The following PARVB variants were observed in gnomAD, a reference collection of about 807,000 sequenced individuals.
The protein encoded by PARVB is beta-parvin.
A neutral mutation model predicts 47.0 loss-of-function variants in PARVB; 46 were observed. The observed-to-expected ratio is 0.98, with a 90% confidence interval of 0.77 to 1.25. The LOEUF is 1.25. Among genes scored for constraint, PARVB ranks in the 50% most tolerant of loss-of-function variants. The pLI, the probability that PARVB is intolerant of heterozygous loss-of-function variation, is 0.00. For missense variants in PARVB, 473 were observed against 471.6 expected (o/e 1.00, Z -0.03); for synonymous variants, 196 against 196.3 (o/e 1.00, Z 0.01).
rs71188434 is a variant in PARVB, at chr22:44,156,279, C to CTT, written c.844-1685_844-1684dup. On this transcript the variant is annotated intron_variant, in intron 10 of 12. Transcript: ENST00000338758. ...GATGTTTGTGATTTTGACTTTTCAT[C>CTT]TTTTTTTTTTTTTTTTTTTGAGACA... 3.3e-3 allele frequency among the ~76,000 whole-genome samples: 415 copies of CTT among 126,354 alleles called. 7 individuals carry two copies. Among genetic ancestry groups the CTT allele is most frequent in the South Asian group, 0.011 (43 of 3,812 alleles). 82.9% of individuals were successfully genotyped at this position (126,354 alleles called of 152,430 possible). A position where few individuals can be genotyped will look rare whatever the true frequency, so the allele number is the denominator to read the frequency against.
At chr22:44,147,745 G>C (rs1249332466) in intron 8 of PARVB, 116 bp from the exon 9 acceptor site, 1 of 821,316 alleles carries the variant, frequency 1.2e-6, no homozygotes. Context: ...TTCTAGGCAG[G>C]TGTGGGAGTT....
At chr22:44,052,289 G>C (rs575637374) in intron 1 of PARVB, among the ~76,000 whole-genome samples, 1 of 152,042 alleles carries the variant, frequency 6.6e-6, no homozygotes, top group African/African-American at 2.4e-5. Flanking sequence ...CCTGAGAGGC[G>C]GTGTGAATGC....
intron 1 of PARVB, among the ~76,000 whole-genome samples, chr22:44,066,640 C>A (rs2051529291): frequency 6.6e-6 from 1 of 152,160 alleles, no homozygotes; most frequent in South Asian, 2.1e-4. Flanking sequence ...CTGTATAAGA[C>A]CTTCAACAGC....
intron 1 of PARVB, among the ~76,000 whole-genome samples, chr22:44,055,678 C>CTCTCTCTCTCTCTATATATATA (rs1438284048): frequency 7.0e-6 from 1 of 142,678 alleles, no homozygotes; most frequent in African/African-American, 2.6e-5. Context: ...CTCTCTCTCT[C>CTCTCTCTCTCTCTATATATATA]TATATATATA....
chr22:44,043,921 T>C (rs1052209492), intron 1 of PARVB, among the ~76,000 whole-genome samples: 1 of 152,190 alleles, frequency 6.6e-6, no homozygotes, highest in African/African-American at 2.4e-5. Flanking sequence ...TCATTGCCCC[T>C]GCAGTGGTGG....
chr22:44,054,233 T>G (rs1338359065), intron 1 of PARVB, among the ~76,000 whole-genome samples: 2 of 151,976 alleles, frequency 1.3e-5, no homozygotes, highest in East Asian at 3.9e-4. Flanking sequence ...CCAACATCTT[T>G]TATTATTATT....
intron 1 of PARVB, among the ~76,000 whole-genome samples, chr22:44,030,536 T>C (rs927909825): frequency 2.0e-5 from 3 of 151,100 alleles, no homozygotes; most frequent in Admixed American, 2.0e-4. Flanking sequence ...TTGGCAGGGG[T>C]GGCCGATTTC....
At chr22:44,166,479 C>T (rs1029525321) in intron 12 of PARVB, among the ~76,000 whole-genome samples, 5 of 152,152 alleles carry the variant, frequency 3.3e-5, no homozygotes, top group African/African-American at 1.2e-4. Context: ...ACAGGCCGGC[C>T]TCCTAGGAGG....
chr22:44,013,767 G>A (rs2050548625), intron 2 of PARVB, among the ~76,000 whole-genome samples: 1 of 152,074 alleles, frequency 6.6e-6, no homozygotes, highest in African/African-American at 2.4e-5. Context: ...TGAGTAGCTG[G>A]GATTACAGGT....
intron 9 of PARVB, 171 bp downstream of exon 9, chr22:44,148,093 G>T: frequency 1.6e-6 from 1 of 640,512 alleles, no homozygotes; most frequent in Non-Finnish European, 2.8e-6. Flanking sequence ...CATAAAATCA[G>T]CGCCTTTTAA....
rs139080 is a variant in PARVB, at chr22:44,163,875, C to T, written c.963C>T (p.Phe321=). The change falls in exon 12 of 13, where the codon TTC becomes TTT. Residue 321 remains phenylalanine, a synonymous_variant. Transcript: ENST00000338758. ...CTTGGCAGGTCCACAATGTGTCCTTCGCCTTTGAGCTGATGCTGGACGGAG... is the reference window on the plus strand; with the variant it reads ...CTTGGCAGGTCCACAATGTGTCCTTTGCCTTTGAGCTGATGCTGGACGGAG... ...SFDQKVHNVS[F]AFELMLDGGL... 0.023 allele frequency: 36,867 copies of T among 1,609,706 alleles called. 650 individuals are homozygous for T. The highest frequency in any genetic ancestry group is 0.073 in the East Asian group (3,255 of 44,662).
intron 7 of PARVB, among the ~76,000 whole-genome samples, chr22:44,137,407 G>A (rs938110843): frequency 1.3e-5 from 2 of 152,242 alleles, no homozygotes; most frequent in Non-Finnish European, 1.5e-5. Flanking sequence ...AGCACAGTGG[G>A]CCTTTGGCAG....
chr22:44,107,623 C>T (rs1486079440), intron 3 of PARVB: 2 of 152,208 alleles, frequency 1.3e-5, no homozygotes, highest in African/African-American at 4.8e-5. Flanking sequence ...TACCCACCCC[C>T]AGCCTCTGGG....
At chr22:44,087,825 T>C (rs2052060646) in intron 1 of PARVB, among the ~76,000 whole-genome samples, 1 of 150,252 alleles carries the variant, frequency 6.7e-6, no homozygotes, top group African/African-American at 2.5e-5. Flanking sequence ...GTTCTTGTAA[T>C]TCCAAATCAG....
upstream of PARVB, among the ~76,000 whole-genome samples, chr22:44,019,879 A>G (rs2050628030): frequency 1.3e-5 from 2 of 151,964 alleles, no homozygotes; most frequent in South Asian, 4.2e-4. Context: ...AATACATAGC[A>G]CTCCCAAAAG....
At chr22:44,003,540 T>G (rs1477874432) in intron 2 of PARVB, among the ~76,000 whole-genome samples, 1 of 152,198 alleles carries the variant, frequency 6.6e-6, no homozygotes, top group Non-Finnish European at 1.5e-5. Context: ...TGTTATAATG[T>G]GCTGCGGCAG....
intron 1 of PARVB, among the ~76,000 whole-genome samples, chr22:44,088,565 A>C (rs1242762549): frequency 6.6e-6 from 1 of 152,110 alleles, no homozygotes; most frequent in African/African-American, 2.4e-5. Context: ...TCCACCTCCC[A>C]GGTTCAAGCA....
intron 4 of PARVB, chr22:44,119,861 C>A (rs753059283): frequency 1.3e-5 from 7 of 531,036 alleles, no homozygotes; most frequent in Non-Finnish European, 2.7e-5. Flanking sequence ...GCCGGCCTGG[C>A]CTGGGGGTGG....
chr22:44,131,455 C>G (rs1209971789), intron 4 of PARVB, 32 bp from the exon 5 acceptor site: 46 of 1,608,428 alleles, frequency 2.9e-5, no homozygotes, highest in Non-Finnish European at 3.8e-5. Context: ...CCAGCTTTTT[C>G]TGACCCTCTT....
Sources: gnomAD v4.1 joint callset for allele counts (sites outside exome capture counted in the v4.1 genomes callset) on GRCh38, gnomAD v4.1.1 for gene constraint, MANE v1.5 for transcripts, NCBI Gene and HGNC (gene_info 2026-07-23, HGNC 2026-07-21) for gene names.